C6orf118: variants seen among roughly 807,000 people sequenced by gnomAD.
C6orf118 encodes uncharacterized protein C6orf118.
A neutral mutation model predicts 50.2 loss-of-function variants in C6orf118; 50 were observed. That is an observed-to-expected ratio of 1.00 (90% CI 0.79 to 1.26). The LOEUF is 1.26. Ranked by LOEUF, C6orf118 falls within the 50% of genes most tolerant of loss-of-function variation. The probability of loss-of-function intolerance (pLI) is 0.00; values close to 1 mark genes in which losing one functional copy is unlikely to be tolerated. For missense variants in C6orf118, 641 were observed against 578.7 expected (o/e 1.11, Z -1.10); for synonymous variants, 239 against 230.9 (o/e 1.03, Z -0.32).
At position 165,290,075 on chromosome 6, in the gene C6orf118, T is replaced by C. The variant is rs1487198760; in HGVS notation, c.1121-8A>G. On this transcript the variant is annotated splice_polypyrimidine_tract_variant and splice_region_variant and intron_variant, in intron 6 of 8. Coordinates refer to ENST00000230301, the MANE Select transcript of C6orf118 (RefSeq NM_144980.4). ...TATGTTTCTCAGATGATTCTGGAAA[T>C]ATTTTTTAAAACAAAGTATTACCAT... 6.4e-7 allele frequency: 1 copy of C among 1,556,092 alleles called. No individual in the cohort carries two copies. The highest frequency in any genetic ancestry group is 1.4e-5 in the African/African-American group (1 of 72,770).
At chr6:165,295,909 A>C (rs1780278055) in intron 5 of C6orf118, among the ~76,000 whole-genome samples, 1 of 149,332 alleles carries the variant, frequency 6.7e-6, no homozygotes, top group Non-Finnish European at 1.5e-5. Context: ...CTCCCAAGTA[A>C]CCCCACCCCA....
intron 6 of C6orf118, among the ~76,000 whole-genome samples, chr6:165,292,404 A>G: frequency 6.6e-6 from 1 of 152,206 alleles, no homozygotes; most frequent in South Asian, 2.1e-4. Context: ...AGGATCAAAC[A>G]CGAAGAAAGA....
intron 4 of C6orf118, 100 bp downstream of exon 4, chr6:165,299,343 C>T (rs1341965502): frequency 4.0e-6 from 4 of 991,856 alleles, no homozygotes; most frequent in African/African-American, 1.6e-5. Context: ...TTATGGGGCA[C>T]ACATGGGGCT....
chr6:165,283,015 C>A (rs534280788), intron 7 of C6orf118, among the ~76,000 whole-genome samples: 9 of 152,078 alleles, frequency 5.9e-5, no homozygotes, highest in African/African-American at 1.7e-4. Flanking sequence ...GAGATCAAAC[C>A]CTAAACAAAA....
At chr6:165,306,311 C>A (rs1583030133) in intron 1 of C6orf118, among the ~76,000 whole-genome samples, 1 of 62,666 alleles carries the variant, frequency 1.6e-5, no homozygotes, top group South Asian at 7.4e-4. Context: ...ATATCACACT[C>A]TGGGGACTGT....
In C6orf118 at chr6:165,301,596, G is replaced by A. The variant is rs745329937; in HGVS notation, c.726C>T (p.Ala242=). The change falls in exon 2 of 9, where the codon GCC becomes GCT. Residue 242 remains alanine (A), a synonymous_variant. Transcript: ENST00000230301. ...LKNDFTGSKA[A]AGHERKLQQE... is the part of the protein sequence containing the mutation. ...GCTGCAGCTTTCTCTCGTGGCCCGC[G>A]GCCGCCTTGCTCCCAGTGAAGTCAT... is the stretch of plus-strand genomic sequence containing the variant. The A allele has an allele frequency of 6.2e-6, 10 of 1,613,406 alleles. No homozygotes were observed. Among genetic ancestry groups the A allele is most frequent in the Non-Finnish European group, 8.5e-6 (10 of 1,179,804 alleles).
chr6:165,303,294 C>T (rs936582944), intron 1 of C6orf118, among the ~76,000 whole-genome samples: 1 of 152,074 alleles, frequency 6.6e-6, no homozygotes, highest in Admixed American at 6.6e-5. Flanking sequence ...CACCACATAC[C>T]AGAATCTCTG....
rs116050148 is a variant in C6orf118, at chr6:165,302,685, G to A, written c.26-389C>T. On this transcript the variant is annotated intron_variant, in intron 1 of 8. Transcript: ENST00000230301. ...GATGTCTTCTTTAACGTATTTCACC[G>A]GCCGGGGAATTCAGAAAGGGTTTGG... Among the ~76,000 whole-genome samples the A allele has an allele frequency of 3.7e-3, 569 of 152,086 alleles. 2 individuals are homozygous for A. The highest frequency in any genetic ancestry group is 0.013 in the African/African-American group (521 of 41,450).
chr6:165,300,695 A>T (rs570083948), intron 2 of C6orf118, among the ~76,000 whole-genome samples: 25 of 151,780 alleles, frequency 1.6e-4, no homozygotes, highest in African/African-American at 4.6e-4. Context: ...GATTTTTTTA[A>T]AAAAATCTTT....
Position 165,302,045 on chromosome 6 carries a change from C to A in C6orf118, c.277G>T (p.Glu93Ter). 1 of 1,613,702 alleles carries A rather than the reference C, an allele frequency of 6.2e-7. No individual in the cohort carries two copies. The highest frequency in any genetic ancestry group is 1.1e-5 in the South Asian group (1 of 91,082). The change falls in exon 2 of 9, where the codon GAG (glutamate) becomes TAG (stop). Residue 93 changes from glutamate to a stop codon, truncating the protein, a stop_gained. Transcript: ENST00000230301. LOFTEE classifies it high-confidence loss of function. ...AHRPKGERAS[E>*]VGEPPAGKVA... ...TTCCCTGCGGGCGGCTCTCCCACCT[C>A]AGAGGCGCGCTCCCCCTTGGGCCGG...
At chr6:165,296,494 G>A (rs75530379) in intron 5 of C6orf118, among the ~76,000 whole-genome samples, 3,692 of 152,034 alleles carry the variant, frequency 0.024, 168 homozygotes, top group East Asian at 0.13. Context: ...CCCGCACCCT[G>A]TAGGGGCCAT....
chr6:165,301,884 G>A lies in C6orf118; in HGVS notation c.438C>T (p.Phe146=), dbSNP rs572724396. 9.9e-6 allele frequency: 16 copies of A among 1,613,690 alleles called. No individual in the cohort carries two copies. Among genetic ancestry groups the A allele is most frequent in the Non-Finnish European group, 1.3e-5 (15 of 1,180,018 alleles). Residue 146 remains phenylalanine (F), a synonymous_variant, in exon 2 of 9, where the codon TTC becomes TTT. Coordinates refer to ENST00000230301, the MANE Select transcript of C6orf118 (RefSeq NM_144980.4). ...ASLSHTSEED[F]LPVEAVREGK... ...CCTCTCTGACAGCCTCCACTGGAAG[G>A]AAATCCTCCTCTGAAGTGTGGGAAA...
chr6:165,280,695 C>A (rs1237942744), intron 8 of C6orf118, among the ~76,000 whole-genome samples: 8 of 152,148 alleles, frequency 5.3e-5, no homozygotes. Flanking sequence ...TGGAAAGCCT[C>A]AAAATGAGAA....
At chr6:165,298,198 G>A (rs1410014672) in intron 4 of C6orf118, 97 bp from the exon 5 acceptor site, 2 of 1,418,956 alleles carry the variant, frequency 1.4e-6, no homozygotes, top group African/African-American at 1.5e-5. Context: ...AAGGTGCCCT[G>A]GGTTAACATA....
intron 6 of C6orf118, among the ~76,000 whole-genome samples, chr6:165,291,559 TA>T (rs1167652486): frequency 6.6e-6 from 1 of 152,126 alleles, no homozygotes; most frequent in African/African-American, 2.4e-5. Context: ...ATGATGAGTT[TA>T]ATCTCGGACA....
At chr6:165,294,972 C>A (rs1780240610) in intron 5 of C6orf118, among the ~76,000 whole-genome samples, 1 of 152,094 alleles carries the variant, frequency 6.6e-6, no homozygotes, top group East Asian at 1.9e-4. Context: ...AGTTTTATTT[C>A]CAGAAAATTT....
chr6:165,290,221 C>T (rs1177583463), intron 6 of C6orf118, among the ~76,000 whole-genome samples, 154 bp from the exon 7 acceptor site: 2 of 151,972 alleles, frequency 1.3e-5, no homozygotes, highest in Admixed American at 6.6e-5. Context: ...AATAATCTGA[C>T]CCCAGAATGA....
intron 1 of C6orf118, among the ~76,000 whole-genome samples, chr6:165,302,876 A>C (rs1459233327): frequency 6.6e-6 from 1 of 152,122 alleles, no homozygotes; most frequent in Non-Finnish European, 1.5e-5. Flanking sequence ...ATCTCAATCA[A>C]AATTGTTGAT....
chr6:165,293,416 A>C lies in C6orf118; in HGVS notation c.1117T>G (p.Ser373Ala). The C allele has an allele frequency of 6.2e-7, 1 of 1,614,044 alleles. No homozygotes were observed. The highest frequency in any genetic ancestry group is 8.5e-7 in the Non-Finnish European group (1 of 1,179,866). ...VALLQSAKER[S>A]ESSEKHIIDE... Reference sequence around the variant, plus strand: ...AGGACATCACACAGACACCTGCCTGATCGTTCCTTTGCAGACTGCAGCAAT... The same window carrying C: ...AGGACATCACACAGACACCTGCCTGCTCGTTCCTTTGCAGACTGCAGCAAT... The change falls in exon 6 of 9, where the codon TCA (serine) becomes GCA (alanine). Residue 373 changes from serine to alanine, a missense_variant. Ser to Ala is a moderately conservative substitution (Grantham distance 99). Coordinates refer to ENST00000230301, the MANE Select transcript of C6orf118 (RefSeq NM_144980.4).
Sources: gnomAD v4.1 joint callset for allele counts (sites outside exome capture counted in the v4.1 genomes callset) on GRCh38, gnomAD v4.1.1 for gene constraint, MANE v1.5 for transcripts, NCBI Gene and HGNC (gene_info 2026-07-23, HGNC 2026-07-21) for gene names.